The following KANK1 variants were observed in gnomAD, a reference collection of about 807,000 sequenced individuals.
The protein encoded by KANK1 is KN motif and ankyrin repeat domains 1.
A neutral mutation model predicts 106.2 loss-of-function variants in KANK1; 109 were observed. The ratio of observed to expected loss-of-function variants is 1.03; its 90% CI spans 0.88 to 1.20. The LOEUF (loss-of-function observed/expected upper bound fraction) is 1.20. KANK1 is among the 50% of genes most tolerant of loss of function. The pLI is 0.00. For missense variants in KANK1, 2,399 were observed against 1,710.7 expected, an observed-to-expected ratio of 1.40 and a Z score of -7.10; for synonymous variants, 873 against 652.2, an observed-to-expected ratio of 1.34 and a Z score of -5.16.
At chr9:745,148 G>GT (rs1270905549) in intron 11 of KANK1, 25 bp from the exon 12 acceptor site, 2 of 1,612,362 alleles carry the variant, frequency 1.2e-6, no homozygotes, top group Non-Finnish European at 8.5e-7. Flanking sequence ...TTAACCCCCA[G>GT]TTTTTTTCCT....
intron 1 of KANK1, among the ~76,000 whole-genome samples, chr9:595,818 A>G (rs2135696449): frequency 6.6e-6 from 1 of 152,076 alleles, no homozygotes; most frequent in Non-Finnish European, 1.5e-5. Context: ...CACTGTGCCC[A>G]GCCTCATGAG....
rs148091259 is a variant in KANK1, at chr9:670,662, G to A, written c.-83-6228G>A. Reference sequence around the variant, plus strand: ...GTCTCCTTTGGTTGAGTTACAGAGCGGAGCTTCCAGGGCTGGAGATGGTAA... The same window carrying A: ...GTCTCCTTTGGTTGAGTTACAGAGCAGAGCTTCCAGGGCTGGAGATGGTAA... On this transcript the variant is annotated intron_variant, in intron 1 of 11. Transcript: ENST00000382297. 3.3e-5 allele frequency among the ~76,000 whole-genome samples: 5 copies of A among 152,238 alleles called. No individual in the cohort carries two copies. In the East Asian group the frequency reaches 5.8e-4, roughly 18 times the overall value.
At chr9:512,184 C>T (rs2059058658) in intron 1 of KANK1, among the ~76,000 whole-genome samples, 1 of 151,966 alleles carries the variant, frequency 6.6e-6, no homozygotes, top group Non-Finnish European at 1.5e-5. Flanking sequence ...TGGCAGCAGG[C>T]TTCCCTCATG....
intron 1 of KANK1, among the ~76,000 whole-genome samples, chr9:629,210 C>T (rs924960020): frequency 2.6e-5 from 4 of 152,060 alleles, no homozygotes; most frequent in East Asian, 1.9e-4. Flanking sequence ...TGCTCCCAGC[C>T]GCTGATGGGG....
chr9:743,776 C>T (rs1283221743), intron 10 of KANK1, among the ~76,000 whole-genome samples: 1 of 152,152 alleles, frequency 6.6e-6, no homozygotes, highest in African/African-American at 2.4e-5. Context: ...GCAGGAGAAT[C>T]ACTTGAGCCC....
rs969360023 is a variant in KANK1, at chr9:515,238, G to A, written c.-84+10484G>A. Reference sequence around the variant, plus strand: ...CGGGAGCCTGTAGTCCCAGCTACTCGGGAGGCTGAGGCAGGAGAATGGCGT... The same window carrying A: ...CGGGAGCCTGTAGTCCCAGCTACTCAGGAGGCTGAGGCAGGAGAATGGCGT... On this transcript the variant is annotated intron_variant, in intron 1 of 11. Transcript: ENST00000382297. Among the ~76,000 whole-genome samples, 7 of 151,240 alleles carry A rather than the reference G, an allele frequency of 4.6e-5. 1 individual carries two copies. The highest frequency in any genetic ancestry group is 4.2e-4 in the South Asian group (2 of 4,818).
intron 1 of KANK1, among the ~76,000 whole-genome samples, chr9:646,305 T>TG (rs1839657945): frequency 6.6e-6 from 1 of 150,688 alleles, no homozygotes; most frequent in Non-Finnish European, 1.5e-5. Context: ...AAGACCAGTC[T>TG]GGGCAACATA....
intron 1 of KANK1, among the ~76,000 whole-genome samples, chr9:626,080 A>T (rs142032560): frequency 6.6e-6 from 1 of 152,174 alleles, no homozygotes; most frequent in Non-Finnish European, 1.5e-5. Flanking sequence ...CCCAGCTTCA[A>T]TTCCTCATCA....
rs151118184 is a variant in KANK1 at position 620,232 on chromosome 9, C to T, written c.-83-56658C>T. On this transcript the variant is annotated intron_variant, in intron 1 of 11. Transcript: ENST00000382297. Reference sequence around the variant, plus strand: ...GTACACTGGTGTCTTCCAAAATGTGCATCGTACCCTCTATTACTCAGTGTC... The same window carrying T: ...GTACACTGGTGTCTTCCAAAATGTGTATCGTACCCTCTATTACTCAGTGTC... 2.3e-3 allele frequency among the ~76,000 whole-genome samples: 347 copies of T among 152,176 alleles called. 2 individuals are homozygous for T. Among genetic ancestry groups the T allele is most frequent in the African/African-American group, 7.5e-3 (311 of 41,494 alleles).
At chr9:503,425 C>G (rs1200193394), upstream of KANK1, among the ~76,000 whole-genome samples, 1 of 152,164 alleles carries the variant, frequency 6.6e-6, no homozygotes, top group African/African-American at 2.4e-5. Flanking sequence ...TGCCCTTTGC[C>G]TATTCCCTAA....
chr9:518,831 C>A (rs1282735211), intron 1 of KANK1, among the ~76,000 whole-genome samples: 1 of 151,464 alleles, frequency 6.6e-6, no homozygotes. Context: ...GGACCCAAGT[C>A]TTGTAGGAAA....
intron 1 of KANK1, among the ~76,000 whole-genome samples, chr9:511,998 G>A (rs1399281885): frequency 4.0e-5 from 6 of 150,556 alleles, no homozygotes; most frequent in African/African-American, 1.3e-4. Flanking sequence ...CTGGTCCACT[G>A]GCTCCAAAAA....
chr9:558,231 C>G (rs147962305), intron 1 of KANK1, among the ~76,000 whole-genome samples: 1 of 152,064 alleles, frequency 6.6e-6, no homozygotes, highest in African/African-American at 2.4e-5. Flanking sequence ...AATAGGATAT[C>G]CAGAGATAGC....
intron 2 of KANK1, chr9:707,346 G>C: frequency 3.7e-6 from 2 of 539,160 alleles, no homozygotes; most frequent in Non-Finnish European, 4.7e-6. Flanking sequence ...CTGCTGGGCC[G>C]CTTCACTCCA....
intron 1 of KANK1, among the ~76,000 whole-genome samples, chr9:590,887 G>A (rs1303780565): frequency 6.6e-6 from 1 of 151,692 alleles, no homozygotes; most frequent in African/African-American, 2.4e-5. Context: ...ATAAAATTAG[G>A]AAAGAGGTTT....
At chr9:710,002 T>C (rs1258522363) in intron 2 of KANK1, among the ~76,000 whole-genome samples, 1 of 152,172 alleles carries the variant, frequency 6.6e-6, no homozygotes, top group Non-Finnish European at 1.5e-5. Flanking sequence ...CTCTGAGTAC[T>C]GATGGACATA....
chr9:659,627 G>C (rs751635416), intron 1 of KANK1, among the ~76,000 whole-genome samples: 1 of 152,138 alleles, frequency 6.6e-6, no homozygotes, highest in East Asian at 1.9e-4. Context: ...GCTGGGAAGC[G>C]TCAGGAAACT....
At chr9:505,118 C>T (rs962838417) in intron 1 of KANK1, among the ~76,000 whole-genome samples, 1 of 152,078 alleles carries the variant, frequency 6.6e-6, no homozygotes, top group Non-Finnish European at 1.5e-5. Context: ...GGTGCGGGCG[C>T]CTGGCTACCC....
intron 2 of KANK1, among the ~76,000 whole-genome samples, chr9:677,812 A>G (rs549709761): frequency 2.0e-5 from 3 of 152,322 alleles, no homozygotes; most frequent in East Asian, 1.9e-4. Context: ...AACATTATAT[A>G]CTGGAGCAAG....
Sources: gnomAD v4.1 joint callset for allele counts (sites outside exome capture counted in the v4.1 genomes callset) on GRCh38, gnomAD v4.1.1 for gene constraint, MANE v1.5 for transcripts, NCBI Gene and HGNC (gene_info 2026-07-23, HGNC 2026-07-21) for gene names.